PTGER3: variants seen among roughly 807,000 people sequenced by gnomAD.
PTGER3 encodes prostaglandin E2 receptor EP3 subtype.
Under a neutral mutation model 34.7 loss-of-function variants are expected in PTGER3, and 22 were observed. The ratio of observed to expected loss-of-function variants is 0.63; its 90% confidence interval spans 0.45 to 0.91. PTGER3 has a LOEUF of 0.91. Ranked by LOEUF, PTGER3 falls within the 40% of genes least tolerant of loss-of-function variation. PTGER3 has a pLI of 0.00. For missense variants in PTGER3, 468 were observed against 519.4 expected (o/e 0.90, Z 0.96); for synonymous variants, 241 against 230.1 (o/e 1.05, Z -0.43).
chr1:70,853,939 G>A (rs539577930), intron 4 of PTGER3, among the ~76,000 whole-genome samples: 46 of 151,772 alleles, frequency 3.0e-4, no homozygotes, highest in African/African-American at 9.2e-4. Context: ...GAATGAAGTC[G>A]GATCCTTACT....
At chr1:71,012,519 T>G in intron 1 of PTGER3, 35 bp from the exon 2 acceptor site, 1 of 1,578,900 alleles carries the variant, frequency 6.3e-7, no homozygotes, top group Non-Finnish European at 8.6e-7. Context: ...TTTCAAAGAT[T>G]AGTAAGGTCA....
exon 4 of PTGER3, chr1:70,952,628 T>A (rs975093604): frequency 2.8e-6 from 3 of 1,055,172 alleles, no homozygotes; most frequent in African/African-American, 1.7e-5. Context: ...TATGAAAAAA[T>A]TTCTGTTGAC....
chr1:70,967,308 T>G (rs1652626185), downstream of PTGER3, among the ~76,000 whole-genome samples: 1 of 152,170 alleles, frequency 6.6e-6, no homozygotes, highest in Non-Finnish European at 1.5e-5. Context: ...TTCATCACAT[T>G]TTTATTGAGC....
At chr1:70,975,163 G>C (rs1355738068) in intron 2 of PTGER3, among the ~76,000 whole-genome samples, 2 of 152,168 alleles carry the variant, frequency 1.3e-5, no homozygotes, top group African/African-American at 4.8e-5. Flanking sequence ...AGCTTCACAA[G>C]AGCAGGAACT....
At chr1:70,879,777 T>G (rs1378355133) in intron 4 of PTGER3, among the ~76,000 whole-genome samples, 1 of 152,144 alleles carries the variant, frequency 6.6e-6, no homozygotes, top group Non-Finnish European at 1.5e-5. Context: ...TTGAGGTATT[T>G]ATTCTGTTTG....
At chr1:70,881,146 T>A (rs2100593059) in intron 4 of PTGER3, among the ~76,000 whole-genome samples, 1 of 152,348 alleles carries the variant, frequency 6.6e-6, no homozygotes, top group Non-Finnish European at 1.5e-5. Context: ...GACGGAGTTA[T>A]TTCAGAGAAG....
At chr1:70,865,206 C>T (rs1285719591) in intron 4 of PTGER3, among the ~76,000 whole-genome samples, 1 of 152,150 alleles carries the variant, frequency 6.6e-6, no homozygotes, top group Non-Finnish European at 1.5e-5. Flanking sequence ...GGTTTGTCTA[C>T]CACCCTAAGG....
intron 4 of PTGER3, among the ~76,000 whole-genome samples, chr1:70,946,953 G>T (rs1650280741): frequency 6.6e-6 from 1 of 152,068 alleles, no homozygotes; most frequent in Admixed American, 6.6e-5. Context: ...AACTCCATAA[G>T]TAGGTTTTCA....
intron 3 of PTGER3, 92 bp downstream of exon 3, chr1:70,974,203 TCA>T (rs139850372): frequency 6.7e-7 from 1 of 1,495,972 alleles, no homozygotes; most frequent in East Asian, 2.4e-5. Context: ...ATTTTAATTC[TCA>T]GAGATGGTCT....
chr1:70,882,508 A>C (rs2100599894), intron 4 of PTGER3, among the ~76,000 whole-genome samples: 1 of 152,318 alleles, frequency 6.6e-6, no homozygotes, highest in East Asian at 1.9e-4. Context: ...GGATAGATCA[A>C]TCTTATTTCT....
At chr1:70,865,565 A>T in intron 4 of PTGER3, 1 of 1,178,110 alleles carries the variant, frequency 8.5e-7, no homozygotes. Flanking sequence ...ATCAGGCCAC[A>T]AAAAGATAGG....
At chr1:70,867,396 C>T (rs950608846) in intron 4 of PTGER3, among the ~76,000 whole-genome samples, 3 of 152,130 alleles carry the variant, frequency 2.0e-5, no homozygotes, top group African/African-American at 7.2e-5. Context: ...TTAAAACCTT[C>T]AAAGAAATCT....
At chr1:70,891,992 G>A (rs903130693) in intron 4 of PTGER3, among the ~76,000 whole-genome samples, 2 of 152,182 alleles carry the variant, frequency 1.3e-5, no homozygotes, top group Non-Finnish European at 2.9e-5. Flanking sequence ...AGCTGAAAGG[G>A]GAAATCCACA....
intron 4 of PTGER3, among the ~76,000 whole-genome samples, chr1:70,924,948 T>C (rs1451621489): frequency 6.6e-6 from 1 of 152,208 alleles, no homozygotes. Flanking sequence ...TAATTCCTAG[T>C]TCAGTTATCT....
intron 4 of PTGER3, among the ~76,000 whole-genome samples, chr1:70,946,057 T>A (rs1387008604): frequency 6.6e-6 from 1 of 152,062 alleles, no homozygotes; most frequent in Non-Finnish European, 1.5e-5. Context: ...CAATATAGGA[T>A]GAGAGAGAAA....
At chr1:70,978,696 T>A (rs1653948223) in intron 2 of PTGER3, among the ~76,000 whole-genome samples, 1 of 152,138 alleles carries the variant, frequency 6.6e-6, no homozygotes, top group Non-Finnish European at 1.5e-5. Context: ...GATGGTGATA[T>A]TCACCATCAT....
intron 2 of PTGER3, among the ~76,000 whole-genome samples, chr1:70,960,803 G>A (rs546361180): frequency 2.6e-5 from 4 of 152,280 alleles, no homozygotes; most frequent in African/African-American, 9.6e-5. Context: ...TTAGTATCTG[G>A]ATTTAATTCA....
intron 2 of PTGER3, among the ~76,000 whole-genome samples, chr1:70,962,717 C>T (rs564401193): frequency 1.3e-5 from 2 of 152,286 alleles, no homozygotes; most frequent in East Asian, 1.9e-4. Context: ...CCCCTCAGGT[C>T]CCTCCCACAA....
Position 70,970,890 on chromosome 1 carries a change from T to A in PTGER3, c.*840A>T. 1 of 978,506 alleles carries A rather than the reference T, an allele frequency of 1.0e-6. No individual in the cohort carries two copies. Among genetic ancestry groups the A allele is most frequent in the Non-Finnish European group, 1.2e-6 (1 of 823,650 alleles). The allele number at this position is 978,506 out of a possible 1,614,324, so 60.6% of individuals were successfully genotyped here. On this transcript the variant is annotated 3_prime_UTR_variant, in exon 4 of 4. Coordinates refer to ENST00000306666, the MANE Select transcript of PTGER3 (RefSeq NM_198719.2). The stretch of plus-strand genomic sequence containing the variant: ...ATTCAACAACTGTTATTTATTAATT[T>A]TGCCTTTGTATATGCTGCCAGAAAA...
Sources: gnomAD v4.1 joint callset for allele counts (sites outside exome capture counted in the v4.1 genomes callset) on GRCh38, gnomAD v4.1.1 for gene constraint, MANE v1.5 for transcripts, NCBI Gene and HGNC (gene_info 2026-07-23, HGNC 2026-07-21) for gene names.